GALNT13: variants seen among roughly 807,000 people sequenced by gnomAD.
The protein encoded by GALNT13 is UDP-GalNAc:polypeptide N-acetylgalactosaminyltransferase 13.
Under a neutral mutation model 64.2 loss-of-function variants are expected in GALNT13, and 28 were observed. The observed-to-expected ratio is 0.44, with a 90% CI of 0.32 to 0.60. The LOEUF (loss-of-function observed/expected upper bound fraction) is 0.60. Ranked by LOEUF, GALNT13 falls within the 20% of genes least tolerant of loss-of-function variation. The pLI, the probability that GALNT13 is intolerant of heterozygous loss-of-function variation, is 0.05. For missense variants in GALNT13, 577 were observed against 669.8 expected (o/e 0.86, Z 1.53); for synonymous variants, 214 against 224.6 (o/e 0.95, Z 0.42).
At chr2:153,491,703 C>T in the GALNT13 span, among the ~76,000 whole-genome samples, 2 of 152,000 alleles carry the variant, frequency 1.3e-5, no homozygotes, top group African/African-American at 4.8e-5. Flanking sequence ...TCACTGCAGC[C>T]TCCACCTCCC....
At chr2:154,058,710 T>G (rs908336069) in intron 3 of GALNT13, among the ~76,000 whole-genome samples, 8 of 152,310 alleles carry the variant, frequency 5.3e-5, no homozygotes, top group African/African-American at 1.9e-4. Flanking sequence ...GGGGCCAGTT[T>G]GGCTGGAGGA....
chr2:153,910,660 CCTT>C (rs1319864095), intron 2 of GALNT13, among the ~76,000 whole-genome samples: 5 of 152,042 alleles, frequency 3.3e-5, no homozygotes, highest in African/African-American at 1.2e-4. Flanking sequence ...GTTTCAAAGA[CCTT>C]CTTGATTTCT....
chr2:153,284,056 G>A, the GALNT13 span, among the ~76,000 whole-genome samples: 5 of 152,194 alleles, frequency 3.3e-5, no homozygotes, highest in East Asian at 1.9e-4. Flanking sequence ...TCTGATGCAC[G>A]ATGATCTATG....
At chr2:153,790,152 T>C in the GALNT13 span, among the ~76,000 whole-genome samples, 7 of 152,250 alleles carry the variant, frequency 4.6e-5, no homozygotes, top group Admixed American at 1.3e-4. Flanking sequence ...CAGGCCAGTA[T>C]ACTTGATGAA....
chr2:153,761,655 C>T, the GALNT13 span: 1 of 152,504 alleles, frequency 6.6e-6, no homozygotes, highest in Non-Finnish European at 1.5e-5. Flanking sequence ...GAAAACCATT[C>T]TCAGGAAAGT....
intron 3 of GALNT13, among the ~76,000 whole-genome samples, chr2:153,988,648 T>A (rs1574274373): frequency 6.6e-6 from 1 of 151,952 alleles, no homozygotes. Flanking sequence ...TGACGGTGAT[T>A]ATAAGTAGCT....
chr2:153,439,439 G>T, the GALNT13 span, among the ~76,000 whole-genome samples: 1 of 152,192 alleles, frequency 6.6e-6, no homozygotes, highest in Non-Finnish European at 1.5e-5. Flanking sequence ...GAGGCAGGCA[G>T]GCCTCCTTGA....
chr2:153,451,592 A>G, the GALNT13 span, among the ~76,000 whole-genome samples: 1 of 152,236 alleles, frequency 6.6e-6, no homozygotes, highest in Non-Finnish European at 1.5e-5. Flanking sequence ...AGAGTTAAAT[A>G]TCACATCCAC....
chr2:153,217,183 T>C, the GALNT13 span, among the ~76,000 whole-genome samples: 1 of 152,084 alleles, frequency 6.6e-6, no homozygotes, highest in African/African-American at 2.4e-5. Context: ...TTTTATTTGT[T>C]GTATTAAGTA....
At chr2:153,705,341 A>C in the GALNT13 span, among the ~76,000 whole-genome samples, 1 of 151,614 alleles carries the variant, frequency 6.6e-6, no homozygotes, top group African/African-American at 2.4e-5. Flanking sequence ...ACATAACAGC[A>C]TTTTCAAGAT....
At chr2:153,336,244 G>C in the GALNT13 span, among the ~76,000 whole-genome samples, 8 of 151,782 alleles carry the variant, frequency 5.3e-5, no homozygotes, top group South Asian at 1.5e-3. Context: ...TGGAGCTGTG[G>C]GAAGAGGGCC....
chr2:153,814,038 T>C, the GALNT13 span, among the ~76,000 whole-genome samples: 1 of 152,330 alleles, frequency 6.6e-6, no homozygotes, highest in East Asian at 1.9e-4. Context: ...CTGTAACTCC[T>C]TGTAGCATGG....
rs189129034 is a variant in GALNT13 at position 153,910,093 on chromosome 2, T to G, written c.-105+9086T>G. 5.9e-4 allele frequency among the ~76,000 whole-genome samples: 90 copies of G among 152,018 alleles called. 1 individual carries two copies. The East Asian group carries it at 0.015, about 25-fold the overall frequency. On this transcript the variant is annotated intron_variant, in intron 2 of 12. Transcript: ENST00000392825. ...TTTTTTTTTTTTGGTTGGTAGACTATTTATTACTGATTCAATTTCAGAATT... is the reference window on the plus strand; with the variant it reads ...TTTTTTTTTTTTGGTTGGTAGACTAGTTATTACTGATTCAATTTCAGAATT...
chr2:154,050,378 C>T (rs1699530638), intron 3 of GALNT13, among the ~76,000 whole-genome samples: 1 of 152,172 alleles, frequency 6.6e-6, no homozygotes, highest in Non-Finnish European at 1.5e-5. Flanking sequence ...ACCCTGTGCT[C>T]TCATGCTACA....
chr2:154,412,516 C>T (rs2105401150), intron 11 of GALNT13, among the ~76,000 whole-genome samples: 1 of 151,580 alleles, frequency 6.6e-6, no homozygotes, highest in Non-Finnish European at 1.5e-5. Context: ...TGTTAAAATC[C>T]TTTTTTAACT....
the GALNT13 span, among the ~76,000 whole-genome samples, chr2:153,456,076 T>A: frequency 6.6e-6 from 1 of 152,094 alleles, no homozygotes; most frequent in Admixed American, 6.5e-5. Flanking sequence ...CATAGTTCCA[T>A]CTACCAGCTG....
intron 4 of GALNT13, among the ~76,000 whole-genome samples, chr2:154,163,203 A>G (rs1236750117): frequency 7.4e-5 from 10 of 135,556 alleles, no homozygotes; most frequent in South Asian, 7.0e-4. Flanking sequence ...TCATTGTTCA[A>G]TTCCCATCTA....
chr2:153,410,796 GT>G, the GALNT13 span, among the ~76,000 whole-genome samples: 8 of 151,970 alleles, frequency 5.3e-5, no homozygotes, highest in Non-Finnish European at 1.2e-4. Context: ...ATTATATAGT[GT>G]TAGCACTAGA....
At chr2:153,498,295 TG>T in the GALNT13 span, among the ~76,000 whole-genome samples, 1 of 152,362 alleles carries the variant, frequency 6.6e-6, no homozygotes, top group South Asian at 2.1e-4. Flanking sequence ...CTTCGCCAGC[TG>T]GAAACCTCTG....
Sources: allele counts gnomAD v4.1 joint callset (sites outside exome capture counted in the v4.1 genomes callset), GRCh38; gene constraint gnomAD v4.1.1; transcripts MANE v1.5; gene names NCBI Gene and HGNC (gene_info 2026-07-23, HGNC 2026-07-21).